The following CEACAM5 variants were observed in gnomAD, a reference collection of about 807,000 sequenced individuals.
The protein encoded by CEACAM5 is CEA cell adhesion molecule 5, also known as cell adhesion molecule CEACAM5.
In CEACAM5, 52 loss-of-function variants were observed where a neutral mutation model predicts 63.0. The observed-to-expected ratio is 0.83, with a 90% CI of 0.66 to 1.04. CEACAM5 has a LOEUF of 1.04. Among genes scored for constraint, CEACAM5 ranks in the 50% least tolerant of loss-of-function variants. CEACAM5 has a pLI of 0.00. For missense variants in CEACAM5, 790 were observed against 864.8 expected, an observed-to-expected ratio of 0.91 and a Z score of 1.08; for synonymous variants, 357 against 351.3, an observed-to-expected ratio of 1.02 and a Z score of -0.18.
At chr19:41,708,837 TG>T in intron 1 of CEACAM5, 42 bp downstream of exon 1, 1 of 540,296 alleles carries the variant, frequency 1.9e-6, no homozygotes, top group South Asian at 2.5e-5. Context: ...AGGAGGGAGC[TG>T]GGGTCTCCTG....
intron 2 of CEACAM5, among the ~76,000 whole-genome samples, chr19:41,713,761 A>G (rs1452656968): frequency 6.6e-6 from 1 of 152,258 alleles, no homozygotes; most frequent in Non-Finnish European, 1.5e-5. Flanking sequence ...GTTCTGTCTC[A>G]TAACTGTCAA....
Position 41,708,703 on chromosome 19 carries a change from A to G in CEACAM5, c.-29A>G, listed in dbSNP as rs45614132. 724 of 1,597,830 alleles carry G rather than the reference A, an allele frequency of 4.5e-4. No homozygotes were observed. The highest frequency in any genetic ancestry group is 8.3e-4 in the Middle Eastern group (5 of 6,038). ...TCCTGGAACTCAAGCTCTTCTCCAC[A>G]GAGGAGGACAGAGCAGACAGCAGAG... On this transcript the variant is annotated 5_prime_UTR_variant, in exon 1 of 10. Coordinates refer to ENST00000221992, the MANE Select transcript of CEACAM5 (RefSeq NM_004363.6).
rs782648818 is a variant in CEACAM5, at chr19:41,715,391, GA to G, written c.703+147del. 22 of 1,356,990 alleles carry G rather than the reference GA, an allele frequency of 1.6e-5. No homozygotes were observed. The East Asian group carries it at 5.2e-4, about 32-fold the overall frequency. The allele number at this position is 1,356,990 out of a possible 1,614,324, so 84.1% of individuals were successfully genotyped here. A position where few individuals can be genotyped will look rare whatever the true frequency, so the allele number is the denominator to read the frequency against. ...AGACTGTCTGTGACTTTCTGCCCCA[GA>G]AAAACCTGGGCAGACCAAGTCTTGA... On this transcript the variant is annotated intron_variant, in intron 3 of 9. Coordinates refer to ENST00000221992, the MANE Select transcript of CEACAM5 (RefSeq NM_004363.6).
intron 4 of CEACAM5, among the ~76,000 whole-genome samples, chr19:41,716,357 C>T (rs1319362574): frequency 2.0e-5 from 3 of 152,242 alleles, no homozygotes; most frequent in African/African-American, 7.2e-5. Flanking sequence ...GAGGGAGACA[C>T]AGCTCAGACT....
intron 8 of CEACAM5, among the ~76,000 whole-genome samples, chr19:41,721,703 G>A (rs1555816262): frequency 1.3e-5 from 2 of 152,262 alleles, no homozygotes; most frequent in Non-Finnish European, 2.9e-5. Context: ...TCCACTTGGG[G>A]TGGGACCGGG....
chr19:41,713,806 G>C (rs1369591936), intron 2 of CEACAM5, among the ~76,000 whole-genome samples: 1 of 152,188 alleles, frequency 6.6e-6, no homozygotes, highest in Non-Finnish European at 1.5e-5. Context: ...ATTTCCAGCA[G>C]TTCATGCTCC....
intron 7 of CEACAM5, among the ~76,000 whole-genome samples, chr19:41,720,693 A>G (rs1310743428): frequency 3.3e-5 from 5 of 151,934 alleles, no homozygotes; most frequent in African/African-American, 1.2e-4. Flanking sequence ...TATTTTTAGT[A>G]GAGACGGGGT....
At chr19:41,712,301 A>G (rs1555814212) in intron 2 of CEACAM5, among the ~76,000 whole-genome samples, 2 of 152,200 alleles carry the variant, frequency 1.3e-5, no homozygotes, top group African/African-American at 4.8e-5. Flanking sequence ...CTGTGTCCTC[A>G]TGATGATGCC....
At chr19:41,713,042 C>T (rs1176726635) in intron 2 of CEACAM5, among the ~76,000 whole-genome samples, 10 of 152,352 alleles carry the variant, frequency 6.6e-5, no homozygotes, top group African/African-American at 2.4e-4. Flanking sequence ...CACGGTGGCT[C>T]ATGCCTGTAA....
Position 41,709,564 on chromosome 19 carries a change from A to ACACACACACT in CEACAM5, c.65-113_65-112insACACACTCAC, listed in dbSNP as rs1309867435. 7 of 1,348,380 alleles carry ACACACACACT rather than the reference A, an allele frequency of 5.2e-6. No homozygotes were observed. The East Asian group carries it at 9.1e-5, about 18-fold the overall frequency. 83.5% of individuals were successfully genotyped at this position (1,348,380 alleles called of 1,614,324 possible). The stretch of plus-strand genomic sequence containing the variant: ...CACACACACACACACACACACACAC[A>ACACACACACT]CACTCACTCACTCCAGGGCTGGGGG... On this transcript the variant is annotated intron_variant, in intron 1 of 9. Transcript: ENST00000221992.
chr19:41,715,187 A>G lies in CEACAM5; in HGVS notation c.641A>G (p.Lys214Arg). The G allele has an allele frequency of 1.9e-6, 3 of 1,614,228 alleles. No homozygotes were observed. The highest frequency in any genetic ancestry group is 1.7e-6 in the Non-Finnish European group (2 of 1,180,044). ...ACAAGAAATGACACAGCAAGCTACA[A>G]ATGTGAAACCCAGAACCCAGTGAGT... ...NVTRNDTASY[K>R]CETQNPVSAR... Residue 214 changes from lysine (K) to arginine (R), a missense_variant, in exon 3 of 10, where the codon AAA becomes AGA. Transcript: ENST00000221992.
At chr19:41,715,446 T>C (rs1384853419) in intron 3 of CEACAM5, 197 bp downstream of exon 3, 1 of 1,125,388 alleles carries the variant, frequency 8.9e-7, no homozygotes, top group Non-Finnish European at 1.3e-6. Context: ...GGGCTGCTTC[T>C]GTCCTGGGAG....
intron 8 of CEACAM5, among the ~76,000 whole-genome samples, chr19:41,722,704 T>C (rs1456795738): frequency 2.6e-5 from 4 of 152,266 alleles, no homozygotes; most frequent in Non-Finnish European, 4.4e-5. Flanking sequence ...CATTCCATTG[T>C]ATGGATACAC....
At chr19:41,725,282 C>A (rs1201859777) in intron 8 of CEACAM5, among the ~76,000 whole-genome samples, 4 of 151,676 alleles carry the variant, frequency 2.6e-5, no homozygotes, top group Non-Finnish European at 5.9e-5. Flanking sequence ...TGTTGGCATA[C>A]AATTATTCAT....
rs782727394 is a variant in CEACAM5, at chr19:41,708,771, C to T, written c.40C>T (p.Pro14Ser). The change falls in exon 1 of 10, where the codon CCC becomes TCC. Residue 14 changes from proline (P) to serine (S), a missense_variant. Transcript: ENST00000221992. ...GGCCCCTCCCCACAGATGGTGCATC[C>T]CCTGGCAGAGGCTCCTGCTCACAGG... ...PSAPPHRWCI[P>S]WQRLLLTASL... The T allele has an allele frequency of 4.3e-6, 7 of 1,612,054 alleles. No homozygotes were observed. The highest frequency in any genetic ancestry group is 1.7e-5 in the Admixed American group (1 of 59,690).
At chr19:41,717,309 C>A in intron 4 of CEACAM5, 146 bp from the exon 5 acceptor site, 1 of 850,610 alleles carries the variant, frequency 1.2e-6, no homozygotes, top group East Asian at 2.5e-5. Context: ...CATTGTGCAT[C>A]TGTCTTGTGA....
rs782651082 is a variant in CEACAM5, at chr19:41,715,873, T to A, written c.927T>A (p.Asn309Lys). ...CCCATAACTCAGACACTGGCCTCAA[T>A]AGGACCACAGTCACGACGATCACAG... is the stretch of plus-strand genomic sequence containing the variant. ...CQAHNSDTGL[N>K]RTTVTTITVY... Residue 309 changes from asparagine (N) to lysine (K), a missense_variant, in exon 4 of 10, where the codon AAT (asparagine) becomes AAA (lysine). Transcript: ENST00000221992. 5 of 1,614,026 alleles carry A rather than the reference T, an allele frequency of 3.1e-6. No homozygotes were observed. Among genetic ancestry groups the A allele is most frequent in the Non-Finnish European group, 4.2e-6 (5 of 1,180,030 alleles).
At position 41,715,884 on chromosome 19, in the gene CEACAM5, T is replaced by G; in HGVS notation, c.938T>G (p.Val313Gly). Residue 313 changes from valine to glycine, a missense_variant, in exon 4 of 10, where the codon GTC becomes GGC. Transcript: ENST00000221992. ...GACACTGGCCTCAATAGGACCACAG[T>G]CACGACGATCACAGTCTATGGTAAG... ...NSDTGLNRTT[V>G]TTITVYAEPP... 6.2e-7 allele frequency: 1 copy of G among 1,614,088 alleles called. No homozygotes were observed. Among genetic ancestry groups the G allele is most frequent in the African/African-American group, 1.3e-5 (1 of 75,048 alleles).
intron 9 of CEACAM5, among the ~76,000 whole-genome samples, chr19:41,728,746 C>T (rs997607621): frequency 6.9e-6 from 1 of 144,318 alleles, no homozygotes; most frequent in Non-Finnish European, 1.5e-5. Flanking sequence ...GAGATCGTGC[C>T]ACTGCACTCC....
Sources: gnomAD v4.1 joint callset for allele counts (sites outside exome capture counted in the v4.1 genomes callset) on GRCh38, gnomAD v4.1.1 for gene constraint, MANE v1.5 for transcripts, NCBI Gene and HGNC (gene_info 2026-07-23, HGNC 2026-07-21) for gene names.